NEBL: variants seen among roughly 807,000 people sequenced by gnomAD.
The protein encoded by NEBL is nebulette, also known as LIM and SH3 protein 2.
A neutral mutation model predicts 140.2 loss-of-function variants in NEBL; 122 were observed. The ratio of observed to expected loss-of-function variants is 0.87; its 90% confidence interval spans 0.75 to 1.01. NEBL has a LOEUF of 1.01. Ranked by LOEUF, NEBL falls within the 50% of genes least tolerant of loss-of-function variation. The pLI, the probability that NEBL is intolerant of heterozygous loss-of-function variation, is 0.00. For missense variants in NEBL, 1,365 were observed against 1,231.3 expected (o/e 1.11, Z -1.62); for synonymous variants, 436 against 398.9 (o/e 1.09, Z -1.11).
intron 1 of NEBL, among the ~76,000 whole-genome samples, chr10:21,263,654 G>A (rs570058249): frequency 6.6e-6 from 1 of 152,212 alleles, no homozygotes; most frequent in East Asian, 1.9e-4. Flanking sequence ...CTTGGCCTAC[G>A]TGCAGAGATA....
intron 2 of NEBL, among the ~76,000 whole-genome samples, chr10:21,169,438 C>A (rs1383612527): frequency 6.6e-6 from 1 of 152,052 alleles, no homozygotes; most frequent in East Asian, 1.9e-4. Flanking sequence ...CCTCTGGCCA[C>A]AACCACAGGG....
At chr10:21,109,623 T>C (rs1416878382) in intron 2 of NEBL, among the ~76,000 whole-genome samples, 1 of 152,188 alleles carries the variant, frequency 6.6e-6, no homozygotes, top group Non-Finnish European at 1.5e-5. Context: ...TGAATCCATC[T>C]GGTCCTGGAC....
intron 3 of NEBL, among the ~76,000 whole-genome samples, chr10:21,231,779 A>C (rs1397551688): frequency 6.6e-6 from 1 of 152,144 alleles, no homozygotes; most frequent in Non-Finnish European, 1.5e-5. Context: ...GGAGGTAGGG[A>C]GAAGGGTAGG....
intron 10 of NEBL, among the ~76,000 whole-genome samples, chr10:20,852,081 T>C (rs1199761275): frequency 6.6e-6 from 1 of 152,144 alleles, no homozygotes; most frequent in Non-Finnish European, 1.5e-5. Context: ...AGGGGGTACC[T>C]AGAATTTCAT....
chr10:21,230,246 C>T lies in NEBL; in HGVS notation n.348+17675G>A, dbSNP rs552461361. On this transcript the variant is annotated intron_variant and non_coding_transcript_variant, in intron 3 of 8. Coordinates refer to the NEBL transcript ENST00000675702. ...GTGAGTCAAGCTGGATTTGAATCTC[C>T]CTTCTGATCTTCACTATGACCTATG... Among the ~76,000 whole-genome samples, 21 of 152,160 alleles carry T rather than the reference C, an allele frequency of 1.4e-4. 2 individuals carry two copies. The highest frequency in any genetic ancestry group is 4.8e-4 in the African/African-American group (20 of 41,522).
chr10:20,806,354 T>G (rs1295024819), intron 26 of NEBL, among the ~76,000 whole-genome samples: 1 of 152,194 alleles, frequency 6.6e-6, no homozygotes, highest in African/African-American at 2.4e-5. Context: ...TGCGGCCTCC[T>G]CTTCTAAACT....
intron 13 of NEBL, 108 bp downstream of exon 13, chr10:20,840,631 T>A: frequency 2.6e-6 from 2 of 763,614 alleles, no homozygotes; most frequent in Non-Finnish European, 4.5e-6. Flanking sequence ...CTGTTTACAA[T>A]CACTTACATA....
At chr10:20,791,553 G>A (rs1835980569) in intron 26 of NEBL, among the ~76,000 whole-genome samples, 1 of 151,726 alleles carries the variant, frequency 6.6e-6, no homozygotes, top group Admixed American at 6.6e-5. Context: ...ACGCCACCAT[G>A]CCCAGCTGAT....
chr10:20,814,227 C>T (rs902078284), intron 22 of NEBL, among the ~76,000 whole-genome samples, 184 bp from the exon 23 acceptor site: 3 of 152,136 alleles, frequency 2.0e-5, no homozygotes, highest in Non-Finnish European at 4.4e-5. Flanking sequence ...ATCTCCTCCA[C>T]CGCCTACTGC....
chr10:20,916,342 G>A (rs1263666775), intron 4 of NEBL, among the ~76,000 whole-genome samples: 2 of 152,166 alleles, frequency 1.3e-5, no homozygotes, highest in Non-Finnish European at 2.9e-5. Context: ...AACAGCTAGA[G>A]TTCTATTACG....
At chr10:21,031,115 A>G (rs1833762155) in intron 2 of NEBL, among the ~76,000 whole-genome samples, 1 of 152,204 alleles carries the variant, frequency 6.6e-6, no homozygotes, top group African/African-American at 2.4e-5. Context: ...GTCCCATCTG[A>G]GTTAGCTTCA....
intron 2 of NEBL, among the ~76,000 whole-genome samples, chr10:21,132,952 G>A (rs1347982667): frequency 6.6e-6 from 1 of 152,188 alleles, no homozygotes; most frequent in African/African-American, 2.4e-5. Flanking sequence ...TCTTGAGAGT[G>A]TCCTTGAAGG....
chr10:20,854,526 C>G (rs973379631), intron 9 of NEBL, among the ~76,000 whole-genome samples: 17 of 151,792 alleles, frequency 1.1e-4, no homozygotes, highest in African/African-American at 4.1e-4. Flanking sequence ...GAGGAAAGCA[C>G]CCCCCAGGAA....
At position 21,191,674 on chromosome 10, in the gene NEBL, C is replaced by T. The variant is rs186488241; in HGVS notation, n.349-19197G>A. Reference sequence around the variant, plus strand: ...TCCATTATGTAATTATTTGACCACACGCCCAAAGGCTTTAACAATAGGTAC... The same window carrying T: ...TCCATTATGTAATTATTTGACCACATGCCCAAAGGCTTTAACAATAGGTAC... On this transcript the variant is annotated intron_variant and non_coding_transcript_variant, in intron 3 of 8. Transcript: ENST00000675702. Among the ~76,000 whole-genome samples the T allele has an allele frequency of 1.1e-3, 171 of 152,324 alleles. 1 individual carries two copies. The highest frequency in any genetic ancestry group is 8.5e-3 in the Admixed American group (130 of 15,298).
chr10:20,808,167 G>C (rs999363942), intron 26 of NEBL, among the ~76,000 whole-genome samples: 1 of 151,718 alleles, frequency 6.6e-6, no homozygotes, highest in African/African-American at 2.4e-5. Context: ...AAACTATGCA[G>C]AACTCAAGTT....
At chr10:21,103,486 T>A (rs2131996573) in intron 2 of NEBL, among the ~76,000 whole-genome samples, 1 of 152,320 alleles carries the variant, frequency 6.6e-6, no homozygotes, top group East Asian at 1.9e-4. Context: ...GTTCTGGGAT[T>A]ACAGGCATGA....
intron 9 of NEBL, 128 bp from the exon 10 acceptor site, chr10:20,852,777 C>T (rs1036550806): frequency 1.2e-6 from 1 of 821,138 alleles, no homozygotes; most frequent in Non-Finnish European, 2.0e-6. Context: ...TCCCCATCTG[C>T]AGTTGGCTGG....
intron 19 of NEBL, among the ~76,000 whole-genome samples, chr10:20,822,494 G>A (rs974798528): frequency 6.6e-6 from 1 of 151,242 alleles, no homozygotes; most frequent in Middle Eastern, 3.6e-3. Context: ...GTTTTGCTTT[G>A]TAGACTAATA....
At chr10:20,875,726 C>T (rs1845437503) in intron 5 of NEBL, among the ~76,000 whole-genome samples, 4 of 151,820 alleles carry the variant, frequency 2.6e-5, no homozygotes, top group African/African-American at 7.3e-5. Flanking sequence ...GATAGCCAGC[C>T]AGCCAGCCAG....
Sources: gnomAD v4.1 joint callset for allele counts (sites outside exome capture counted in the v4.1 genomes callset) on GRCh38, gnomAD v4.1.1 for gene constraint, MANE v1.5 for transcripts, NCBI Gene and HGNC (gene_info 2026-07-23, HGNC 2026-07-21) for gene names.